The following COMMD10 variants were observed in gnomAD, a reference collection of about 807,000 sequenced individuals.
The protein encoded by COMMD10 is COMM domain-containing protein 10.
Under a neutral mutation model 28.9 loss-of-function variants are expected in COMMD10, and 33 were observed. The observed-to-expected ratio is 1.14, with a 90% confidence interval of 0.87 to 1.53. The LOEUF is 1.53. Ranked by LOEUF, COMMD10 falls within the 40% of genes most tolerant of loss-of-function variation. The pLI, the probability that COMMD10 is intolerant of heterozygous loss-of-function variation, is 0.00. For missense variants in COMMD10, 310 were observed against 233.4 expected, an observed-to-expected ratio of 1.33 and a Z score of -2.14; for synonymous variants, 110 against 81.7, an observed-to-expected ratio of 1.35 and a Z score of -1.87.
At chr5:116,195,124 A>G (rs989738426) in intron 5 of COMMD10, among the ~76,000 whole-genome samples, 2 of 152,138 alleles carry the variant, frequency 1.3e-5, no homozygotes, top group Non-Finnish European at 2.9e-5. Context: ...ATTCTTTATG[A>G]TTAAAACTCT....
chr5:116,085,811 T>C (rs17138851), intron 1 of COMMD10, among the ~76,000 whole-genome samples: 2,309 of 152,268 alleles, frequency 0.015, 55 homozygotes, highest in African/African-American at 0.047. Context: ...GGCAAAATAG[T>C]GTTCGGAAGT....
At chr5:116,185,821 C>T (rs915927265) in intron 5 of COMMD10, among the ~76,000 whole-genome samples, 21 of 152,018 alleles carry the variant, frequency 1.4e-4, no homozygotes, top group African/African-American at 4.6e-4. Flanking sequence ...TTTATTAGAC[C>T]CTTAATATTT....
rs73780899 is a variant in COMMD10 at position 116,235,456 on chromosome 5, T to G, written c.511-56061T>G. Among the ~76,000 whole-genome samples, 654 of 152,322 alleles carry G rather than the reference T, an allele frequency of 4.3e-3. 7 individuals are homozygous for G. The highest frequency in any genetic ancestry group is 0.014 in the African/African-American group (599 of 41,566). Reference sequence around the variant, plus strand: ...TGTTACAATCCTGGGTTAGATTTGCTGTTACTTAGCTCTCACCTCTTCATC... The same window carrying G: ...TGTTACAATCCTGGGTTAGATTTGCGGTTACTTAGCTCTCACCTCTTCATC... On this transcript the variant is annotated intron_variant, in intron 5 of 6. Coordinates refer to ENST00000274458, the MANE Select transcript of COMMD10 (RefSeq NM_016144.4).
intron 5 of COMMD10, among the ~76,000 whole-genome samples, chr5:116,203,345 A>G (rs1042914433): frequency 2.6e-5 from 4 of 152,160 alleles, no homozygotes; most frequent in Non-Finnish European, 4.4e-5. Flanking sequence ...AACTTCCCCA[A>G]TCTAGCAAGG....
intron 5 of COMMD10, chr5:116,218,246 A>G (rs1417375580): frequency 9.4e-6 from 7 of 748,510 alleles, no homozygotes; most frequent in Middle Eastern, 2.3e-4. Context: ...TTCGTCCTTT[A>G]CCTTGGCTTT....
At chr5:116,181,847 A>G (rs1264774945) in intron 5 of COMMD10, among the ~76,000 whole-genome samples, 2 of 152,122 alleles carry the variant, frequency 1.3e-5, no homozygotes, top group Non-Finnish European at 2.9e-5. Context: ...TAAACTTGCT[A>G]CTATATTCAT....
intron 5 of COMMD10, among the ~76,000 whole-genome samples, chr5:116,271,073 C>G (rs1401345828): frequency 2.6e-5 from 4 of 151,376 alleles, no homozygotes; most frequent in Non-Finnish European, 5.9e-5. Flanking sequence ...AGTGGATTAG[C>G]TTTCCCCTTA....
At chr5:116,110,838 A>C (rs1193461765) in intron 4 of COMMD10, among the ~76,000 whole-genome samples, 3 of 152,122 alleles carry the variant, frequency 2.0e-5, no homozygotes, top group African/African-American at 7.2e-5. Flanking sequence ...AAACCACCAG[A>C]TCTCAAGAGA....
intron 4 of COMMD10, among the ~76,000 whole-genome samples, chr5:116,114,474 A>T (rs964124979): frequency 2.6e-5 from 4 of 151,996 alleles, no homozygotes; most frequent in African/African-American, 7.3e-5. Context: ...CGAGAGAGTA[A>T]TGGCAGGGTT....
At chr5:116,255,760 AG>A (rs1750266137) in intron 5 of COMMD10, 1 of 134,332 alleles carries the variant, frequency 7.4e-6, no homozygotes, top group Non-Finnish European at 1.5e-5. Context: ...TATATCTTAC[AG>A]GCAAAAAAGA....
intron 5 of COMMD10, among the ~76,000 whole-genome samples, chr5:116,230,423 T>C (rs892366865): frequency 5.9e-5 from 9 of 152,116 alleles, no homozygotes; most frequent in Non-Finnish European, 1.3e-4. Flanking sequence ...TTCATTTTTC[T>C]ATGCACTAGA....
chr5:116,247,021 C>T (rs1749970072), intron 5 of COMMD10, among the ~76,000 whole-genome samples: 1 of 151,566 alleles, frequency 6.6e-6, no homozygotes, highest in African/African-American at 2.4e-5. Flanking sequence ...AAGCTATCAA[C>T]AGAGTAAACA....
intron 5 of COMMD10, among the ~76,000 whole-genome samples, chr5:116,161,709 A>G (rs922048683): frequency 2.0e-5 from 3 of 152,220 alleles, no homozygotes; most frequent in African/African-American, 7.2e-5. Flanking sequence ...AGATCTTCAT[A>G]AAGATCTTCA....
intron 5 of COMMD10, among the ~76,000 whole-genome samples, chr5:116,159,346 C>T (rs1752842472): frequency 6.6e-6 from 1 of 152,210 alleles, no homozygotes; most frequent in East Asian, 1.9e-4. Flanking sequence ...TTGCACTTTT[C>T]ATTTCCTCCT....
At chr5:116,288,485 C>G (rs998663269) in intron 5 of COMMD10, among the ~76,000 whole-genome samples, 8 of 151,746 alleles carry the variant, frequency 5.3e-5, no homozygotes, top group Non-Finnish European at 1.0e-4. Flanking sequence ...CATTTCTGTC[C>G]ACAGATTGGG....
At chr5:116,257,257 A>T (rs1750313661) in intron 5 of COMMD10, among the ~76,000 whole-genome samples, 1 of 151,578 alleles carries the variant, frequency 6.6e-6, no homozygotes, top group Non-Finnish European at 1.5e-5. Context: ...AAACTTTCAG[A>T]TGTTGGAGCA....
intron 5 of COMMD10, among the ~76,000 whole-genome samples, chr5:116,171,747 A>C (rs1243112888): frequency 6.6e-6 from 1 of 152,166 alleles, no homozygotes; most frequent in Non-Finnish European, 1.5e-5. Context: ...CAAAGACTGC[A>C]TGCTCTCACT....
At chr5:116,249,712 A>G (rs183128084) in intron 5 of COMMD10, among the ~76,000 whole-genome samples, 10 of 151,338 alleles carry the variant, frequency 6.6e-5, no homozygotes, top group African/African-American at 2.2e-4. Context: ...TTCTCTTACT[A>G]TAGCCAATTA....
chr5:116,189,969 C>T (rs1748296877), intron 5 of COMMD10, among the ~76,000 whole-genome samples: 1 of 152,166 alleles, frequency 6.6e-6, no homozygotes, highest in South Asian at 2.1e-4. Context: ...CTTTCCCTTT[C>T]CTGCTCTTAG....
Sources: gnomAD v4.1 joint callset for allele counts (sites outside exome capture counted in the v4.1 genomes callset) on GRCh38, gnomAD v4.1.1 for gene constraint, MANE v1.5 for transcripts, NCBI Gene and HGNC (gene_info 2026-07-23, HGNC 2026-07-21) for gene names.